SH3D19: variants seen among roughly 807,000 people sequenced by gnomAD.
The protein encoded by SH3D19 is SH3 domain-containing protein 19.
In SH3D19, 58 loss-of-function variants were observed where a neutral mutation model predicts 112.1. That is an observed-to-expected ratio of 0.52 (90% CI 0.42 to 0.64). SH3D19 has a LOEUF of 0.64. SH3D19 is among the 30% of genes least tolerant of loss of function. SH3D19 has a pLI of 0.00. For synonymous variants in SH3D19, 391 were observed against 448.5 expected, an observed-to-expected ratio of 0.87 and a Z score of 1.62; for missense variants, 1,090 against 1,263.4, an observed-to-expected ratio of 0.86 and a Z score of 2.08.
intron 1 of SH3D19, among the ~76,000 whole-genome samples, chr4:151,293,190 G>C (rs550165591): frequency 6.6e-6 from 1 of 151,652 alleles, no homozygotes; most frequent in Non-Finnish European, 1.5e-5. Context: ...GGGTAGACTG[G>C]CCGGGTGTGG....
chr4:151,247,188 G>C (rs1224461033), intron 1 of SH3D19, among the ~76,000 whole-genome samples: 2 of 151,926 alleles, frequency 1.3e-5, no homozygotes, highest in Non-Finnish European at 2.9e-5. Context: ...ATGCAAAATT[G>C]GTCCCTGGTC....
chr4:151,218,024 C>T (rs1183801749), intron 2 of SH3D19, among the ~76,000 whole-genome samples: 4 of 152,000 alleles, frequency 2.6e-5, no homozygotes, highest in Non-Finnish European at 5.9e-5. Context: ...TATATATATG[C>T]ATAGAAAGCA....
chr4:151,277,651 G>A (rs1773771931), intron 1 of SH3D19, among the ~76,000 whole-genome samples: 1 of 152,134 alleles, frequency 6.6e-6, no homozygotes, highest in South Asian at 2.1e-4. Flanking sequence ...CAGGAAAAGA[G>A]CATCTCAAGC....
chr4:151,193,281 T>G (rs185889175), intron 2 of SH3D19, among the ~76,000 whole-genome samples: 1 of 151,958 alleles, frequency 6.6e-6, no homozygotes, highest in Non-Finnish European at 1.5e-5. Context: ...TTTTTTTTTT[T>G]AAATATAAAA....
intron 1 of SH3D19, among the ~76,000 whole-genome samples, chr4:151,274,025 G>GCC (rs1023983849): frequency 2.5e-4 from 38 of 152,232 alleles, no homozygotes; most frequent in African/African-American, 9.1e-4. Flanking sequence ...GTGAGTAGCA[G>GCC]AAAACCAGAG....
chr4:151,263,133 TA>T, intron 1 of SH3D19, among the ~76,000 whole-genome samples: 1 of 151,896 alleles, frequency 6.6e-6, no homozygotes, highest in African/African-American at 2.4e-5. Context: ...GTCAGCCTAG[TA>T]AACAAGATCC....
At chr4:151,296,823 A>G (rs961187604) in intron 1 of SH3D19, among the ~76,000 whole-genome samples, 27 of 152,218 alleles carry the variant, frequency 1.8e-4, no homozygotes, top group Non-Finnish European at 3.4e-4. Context: ...TTGTAAATTT[A>G]GTTATTTCCA....
chr4:151,203,261 G>A (rs772288059), intron 2 of SH3D19, among the ~76,000 whole-genome samples: 9 of 152,276 alleles, frequency 5.9e-5, no homozygotes, highest in South Asian at 2.1e-4. Flanking sequence ...CAGCTGACAC[G>A]GAACAATCCT....
At chr4:151,194,738 T>C (rs1439490204) in intron 2 of SH3D19, among the ~76,000 whole-genome samples, 1 of 67,192 alleles carries the variant, frequency 1.5e-5, no homozygotes, top group African/African-American at 2.7e-5. Context: ...TATTAGCTGA[T>C]GATTTCTTCA....
At chr4:151,172,326 G>C (rs1373083970) in intron 7 of SH3D19, among the ~76,000 whole-genome samples, 2 of 152,174 alleles carry the variant, frequency 1.3e-5, no homozygotes, top group Admixed American at 6.5e-5. Context: ...GAGGGCATAA[G>C]TAGGGAGGCA....
chr4:151,308,719 C>A (rs1364389994), intron 1 of SH3D19, among the ~76,000 whole-genome samples: 1 of 152,178 alleles, frequency 6.6e-6, no homozygotes, highest in East Asian at 1.9e-4. Flanking sequence ...TGGAAGCAGA[C>A]ATCAATAAAC....
At chr4:151,207,179 A>G (rs538089569) in intron 2 of SH3D19, among the ~76,000 whole-genome samples, 1 of 152,254 alleles carries the variant, frequency 6.6e-6, no homozygotes, top group African/African-American at 2.4e-5. Flanking sequence ...GATGCATGAG[A>G]TAAGATTTAG....
At chr4:151,166,891 C>G (rs1289696927) in intron 7 of SH3D19, among the ~76,000 whole-genome samples, 1 of 152,156 alleles carries the variant, frequency 6.6e-6, no homozygotes, top group African/African-American at 2.4e-5. Flanking sequence ...CCATCAGATA[C>G]CCTGCCAAAG....
At chr4:151,189,785 G>C (rs1179409090) in intron 2 of SH3D19, among the ~76,000 whole-genome samples, 1 of 152,158 alleles carries the variant, frequency 6.6e-6, no homozygotes, top group Admixed American at 6.5e-5. Context: ...TTTATCAGCA[G>C]TGTGAAAACA....
At chr4:151,281,224 T>C (rs1561427210) in intron 1 of SH3D19, among the ~76,000 whole-genome samples, 1 of 152,116 alleles carries the variant, frequency 6.6e-6, no homozygotes, top group East Asian at 1.9e-4. Flanking sequence ...GATTTACACT[T>C]CTGGTGGAGA....
rs541206518 is a variant in SH3D19, at chr4:151,155,803, T to C, written c.1755+3437A>G. Among the ~76,000 whole-genome samples, 5 of 152,154 alleles carry C rather than the reference T, an allele frequency of 3.3e-5. No homozygotes were observed. The South Asian group carries it at 1.0e-3, about 32-fold the overall frequency. The stretch of plus-strand genomic sequence containing the variant: ...ACTTGGGAGGCTGAGGCAGGAGAAC[T>C]GCTTGAACCCAGGAGGTAGAGGTTG... On this transcript the variant is annotated intron_variant, in intron 9 of 19. Coordinates refer to ENST00000604030, the MANE Select transcript of SH3D19 (RefSeq NM_001378122.1).
In SH3D19 at chr4:151,147,940, A is replaced by G. The variant is rs1009729162; in HGVS notation, c.2064T>C (p.Pro688=). 2.5e-6 allele frequency: 4 copies of G among 1,611,772 alleles called. No individual in the cohort carries two copies. The highest frequency in any genetic ancestry group is 3.4e-6 in the Non-Finnish European group (4 of 1,179,286). ...AATTTACCATGTATTTACTGTAGAG[A>G]GGGTGTCCTGGTTTGGGACGAGGGG... ...VLPPRPKPGH[P]LYSKYMRGDV... Residue 688 remains proline, a synonymous_variant, in exon 11 of 20, where the codon CCT becomes CCC. Coordinates refer to ENST00000604030, the MANE Select transcript of SH3D19 (RefSeq NM_001378122.1).
intron 1 of SH3D19, among the ~76,000 whole-genome samples, chr4:151,268,667 A>G (rs1036590584): frequency 3.9e-5 from 5 of 129,184 alleles, no homozygotes; most frequent in Admixed American, 9.0e-5. Context: ...TTCAATTCCC[A>G]CCTATGAGTG....
intron 1 of SH3D19, among the ~76,000 whole-genome samples, chr4:151,233,166 T>C (rs1018989197): frequency 4.6e-5 from 7 of 151,990 alleles, no homozygotes; most frequent in African/African-American, 1.7e-4. Context: ...CACCCCCAGA[T>C]GGGACCATCT....
Sources: gnomAD v4.1 joint callset for allele counts (sites outside exome capture counted in the v4.1 genomes callset) on GRCh38, gnomAD v4.1.1 for gene constraint, MANE v1.5 for transcripts, NCBI Gene and HGNC (gene_info 2026-07-23, HGNC 2026-07-21) for gene names.